Variants in MRPL1 observed in about 807,000 individuals in gnomAD.
MRPL1 encodes the protein large ribosomal subunit protein uL1m.
Under a neutral mutation model 38.0 loss-of-function variants are expected in MRPL1, and 28 were observed. That is an observed-to-expected ratio of 0.74 (90% CI 0.55 to 1.01). The LOEUF (loss-of-function observed/expected upper bound fraction) is 1.01. MRPL1 is among the 50% of genes least tolerant of loss of function. The pLI is 0.00. For synonymous variants in MRPL1, 123 were observed against 126.7 expected (o/e 0.97, Z 0.20); for missense variants, 358 against 389.8 (o/e 0.92, Z 0.69).
intron 1 of MRPL1, among the ~76,000 whole-genome samples, chr4:77,867,891 A>G (rs1191525139): frequency 6.3e-5 from 9 of 143,646 alleles, no homozygotes; most frequent in Admixed American, 3.5e-4. Flanking sequence ...CGAGTAGCTG[A>G]GACTATAGGC....
At chr4:77,939,128 T>C (rs1229840957) in intron 7 of MRPL1, among the ~76,000 whole-genome samples, 1 of 152,180 alleles carries the variant, frequency 6.6e-6, no homozygotes, top group East Asian at 1.9e-4. Flanking sequence ...CTTTGCATCC[T>C]ATAGCTTAGC....
intron 2 of MRPL1, among the ~76,000 whole-genome samples, chr4:77,873,360 G>A (rs1018023949): frequency 6.6e-6 from 1 of 152,128 alleles, no homozygotes; most frequent in Admixed American, 6.5e-5. Context: ...TCTGACTTTA[G>A]AACTGTCACA....
At chr4:77,881,539 T>C (rs920575029) in intron 2 of MRPL1, among the ~76,000 whole-genome samples, 8 of 150,288 alleles carry the variant, frequency 5.3e-5, no homozygotes, top group African/African-American at 2.0e-4. Context: ...ACTCCTGAGC[T>C]CAGGTGATCC....
chr4:77,889,153 T>C (rs976254763), intron 5 of MRPL1, among the ~76,000 whole-genome samples: 10 of 152,170 alleles, frequency 6.6e-5, no homozygotes, highest in East Asian at 1.9e-4. Context: ...TACAGAACTC[T>C]CCACCCCAAA....
At chr4:77,912,457 T>A (rs1446225634) in intron 7 of MRPL1, among the ~76,000 whole-genome samples, 1 of 152,162 alleles carries the variant, frequency 6.6e-6, no homozygotes, top group East Asian at 1.9e-4. Flanking sequence ...ATGCCATTTG[T>A]AGTAATAGCA....
intron 7 of MRPL1, among the ~76,000 whole-genome samples, chr4:77,942,438 C>A (rs1737158231): frequency 6.6e-6 from 1 of 152,002 alleles, no homozygotes. Context: ...GTCTTGATGG[C>A]CTGTCTAGTG....
chr4:77,932,819 AC>A (rs1216323426), intron 7 of MRPL1, among the ~76,000 whole-genome samples: 3 of 151,442 alleles, frequency 2.0e-5, no homozygotes, highest in Non-Finnish European at 4.4e-5. Context: ...TCCCACCCCC[AC>A]CGCACTGGAA....
At chr4:77,885,408 C>A in intron 4 of MRPL1, 69 bp downstream of exon 4, 1 of 1,286,742 alleles carries the variant, frequency 7.8e-7, no homozygotes, top group South Asian at 1.2e-5. Flanking sequence ...CACTCTGTCA[C>A]CAGTCTGGAG....
At chr4:77,912,677 A>T (rs1736317615) in intron 7 of MRPL1, among the ~76,000 whole-genome samples, 1 of 152,182 alleles carries the variant, frequency 6.6e-6, no homozygotes, top group South Asian at 2.1e-4. Context: ...ACCAGTCAAC[A>T]GTTTTGTAGA....
chr4:77,925,659 T>C (rs1026743378), intron 7 of MRPL1, among the ~76,000 whole-genome samples: 9 of 147,836 alleles, frequency 6.1e-5, no homozygotes, highest in Non-Finnish European at 1.3e-4. Context: ...TTTGTGAGGT[T>C]TTTTTTTTTT....
At chr4:77,892,464 A>C (rs186369869) in intron 5 of MRPL1, among the ~76,000 whole-genome samples, 1 of 152,206 alleles carries the variant, frequency 6.6e-6, no homozygotes, top group Non-Finnish European at 1.5e-5. Flanking sequence ...TTCATTTATT[A>C]AATTTATTTT....
chr4:77,908,779 A>T (rs1013600373), intron 6 of MRPL1, among the ~76,000 whole-genome samples: 3 of 152,158 alleles, frequency 2.0e-5, no homozygotes, highest in Non-Finnish European at 2.9e-5. Context: ...GCTCCACTCA[A>T]GGTATTGGCC....
chr4:77,912,556 A>G (rs1385638039), intron 7 of MRPL1, among the ~76,000 whole-genome samples: 3 of 152,168 alleles, frequency 2.0e-5, no homozygotes, highest in African/African-American at 7.2e-5. Context: ...AAAAATAAAA[A>G]ATCTAAATAA....
At chr4:77,909,961 G>A (rs1736246785) in intron 7 of MRPL1, among the ~76,000 whole-genome samples, 1 of 152,096 alleles carries the variant, frequency 6.6e-6, no homozygotes, top group South Asian at 2.1e-4. Flanking sequence ...TTATACTAAA[G>A]AATCTCTAAA....
rs1262835241 is a variant in MRPL1 at position 77,892,386 on chromosome 4, G to A, written c.559-1753G>A. Among the ~76,000 whole-genome samples, 6 of 151,948 alleles carry A rather than the reference G, an allele frequency of 3.9e-5. No homozygotes were observed. The South Asian group carries it at 8.3e-4, about 21-fold the overall frequency. ...GACCTCAGGCGATCCAACCTTCCTC[G>A]GCCTCCCAAAGTGCTGAGATTACAG... is the stretch of plus-strand genomic sequence containing the variant. On this transcript the variant is annotated intron_variant, in intron 5 of 8. Coordinates refer to ENST00000315567, the MANE Select transcript of MRPL1 (RefSeq NM_020236.4).
At chr4:77,887,438 CTTTCTTCAG>C (rs1217159917) in intron 5 of MRPL1, 147 bp downstream of exon 5, 27 of 668,978 alleles carry the variant, frequency 4.0e-5, no homozygotes, top group Non-Finnish European at 6.6e-5. Flanking sequence ...AAATTTCCAA[CTTTCTTCAG>C]TTTCAAAATC....
At chr4:77,891,283 CTT>C (rs2110239224) in intron 5 of MRPL1, among the ~76,000 whole-genome samples, 1 of 97,076 alleles carries the variant, frequency 1.0e-5, no homozygotes, top group Admixed American at 1.3e-4. Flanking sequence ...TTTCTATTTT[CTT>C]CTTGCAACCA....
intron 6 of MRPL1, among the ~76,000 whole-genome samples, chr4:77,903,770 T>C (rs895390416): frequency 6.6e-6 from 1 of 152,140 alleles, no homozygotes. Context: ...TAAATGTTGC[T>C]GAAAGTTAAT....
At chr4:77,898,571 A>G (rs977670994) in intron 6 of MRPL1, among the ~76,000 whole-genome samples, 16 of 151,630 alleles carry the variant, frequency 1.1e-4, no homozygotes, top group Admixed American at 4.6e-4. Context: ...GCTCACTGCA[A>G]CCTCCCCTTC....
Sources: gnomAD v4.1 joint callset for allele counts (sites outside exome capture counted in the v4.1 genomes callset) on GRCh38, gnomAD v4.1.1 for gene constraint, MANE v1.5 for transcripts, NCBI Gene and HGNC (gene_info 2026-07-23, HGNC 2026-07-21) for gene names.